The following ITSN1 variants were observed in gnomAD, a reference collection of about 807,000 sequenced individuals.
ITSN1 encodes the protein intersectin-1.
ITSN1 carries 58 observed loss-of-function variants against 239.8 expected under a neutral mutation model. The ratio of observed to expected loss-of-function variants is 0.24; its 90% CI spans 0.20 to 0.30. ITSN1 has a LOEUF of 0.30. Ranked by LOEUF, ITSN1 falls within the 10% of genes least tolerant of loss-of-function variation. ITSN1 has a pLI of 1.00. For synonymous variants in ITSN1, 780 were observed against 770.8 expected, an observed-to-expected ratio of 1.01 and a Z score of -0.20; for missense variants, 1,558 against 2,103.3, an observed-to-expected ratio of 0.74 and a Z score of 5.07.
At chr21:33,836,935 AT>A (rs2074635219) in intron 29 of ITSN1, 1 of 1,497,764 alleles carries the variant, frequency 6.7e-7, no homozygotes, top group African/African-American at 1.4e-5. Flanking sequence ...CCTAGCTTGA[AT>A]TTTGCTCATT....
chr21:33,816,019 T>TA (rs895767625), intron 22 of ITSN1, among the ~76,000 whole-genome samples: 40 of 151,496 alleles, frequency 2.6e-4, no homozygotes, highest in Admixed American at 2.0e-3. Flanking sequence ...TCATCTCTAC[T>TA]AAAAAAAATA....
intron 24 of ITSN1, among the ~76,000 whole-genome samples, chr21:33,822,975 T>C (rs1479560550): frequency 6.6e-6 from 1 of 152,250 alleles, no homozygotes; most frequent in Non-Finnish European, 1.5e-5. Flanking sequence ...GTATGTCTTA[T>C]TTAATTTATG....
intron 1 of ITSN1, among the ~76,000 whole-genome samples, chr21:33,654,888 A>G (rs1313649544): frequency 6.6e-6 from 1 of 152,174 alleles, no homozygotes; most frequent in East Asian, 1.9e-4. Flanking sequence ...GTCCAGCTGC[A>G]TTCTCGTTCT....
chr21:33,809,569 A>G (rs2072740865), intron 20 of ITSN1, among the ~76,000 whole-genome samples: 1 of 152,148 alleles, frequency 6.6e-6, no homozygotes, highest in African/African-American at 2.4e-5. Context: ...CTTTATTTTT[A>G]ATTAATTTTT....
chr21:33,674,168 A>G (rs1250786358), intron 1 of ITSN1, among the ~76,000 whole-genome samples: 3 of 152,170 alleles, frequency 2.0e-5, no homozygotes, highest in Non-Finnish European at 4.4e-5. Flanking sequence ...ACTCATTGGT[A>G]CCTTTAAGGC....
At chr21:33,878,042 G>GTGTGTGTT (rs1984286036) in intron 34 of ITSN1, among the ~76,000 whole-genome samples, 1 of 114,418 alleles carries the variant, frequency 8.7e-6, no homozygotes, top group Non-Finnish European at 1.9e-5. Flanking sequence ...GTGTGTGTGT[G>GTGTGTGTT]TGTGTTTGTT....
intron 1 of ITSN1, among the ~76,000 whole-genome samples, chr21:33,653,726 G>A (rs2146162783): frequency 6.6e-6 from 1 of 152,110 alleles, no homozygotes; most frequent in Non-Finnish European, 1.5e-5. Flanking sequence ...GTTTCACCGT[G>A]TTAGCCAAGA....
At chr21:33,699,993 C>T (rs1303500022) in intron 1 of ITSN1, among the ~76,000 whole-genome samples, 1 of 151,826 alleles carries the variant, frequency 6.6e-6, no homozygotes. Context: ...AATTCCTGGC[C>T]TCAAGAGATC....
At position 33,797,221 on chromosome 21, in the gene ITSN1, C is replaced by A. The variant is rs1310021886; in HGVS notation, c.1953-158C>A. On this transcript the variant is annotated intron_variant, in intron 17 of 39. Coordinates refer to ENST00000381318, the MANE Select transcript of ITSN1 (RefSeq NM_003024.3). The surrounding 1 kb of genome is among the most constrained non-coding windows in gnomAD (Gnocchi z 4.9). Reference sequence around the variant, plus strand: ...CTAAATCATGTGATTTCTTCTCATTCAGAACTGGAGCCCTGATTCAGTTGC... The same window carrying A: ...CTAAATCATGTGATTTCTTCTCATTAAGAACTGGAGCCCTGATTCAGTTGC... Among the ~76,000 whole-genome samples, 1 of 152,124 alleles carries A rather than the reference C, an allele frequency of 6.6e-6. No homozygotes were observed. The highest frequency in any genetic ancestry group is 6.5e-5 in the Admixed American group (1 of 15,272).
chr21:33,764,703 AAG>A (rs879541499), intron 9 of ITSN1, among the ~76,000 whole-genome samples: 2 of 152,240 alleles, frequency 1.3e-5, no homozygotes, highest in Admixed American at 1.3e-4. Flanking sequence ...CAGAATTAAG[AAG>A]GTTTCTTAAT....
At chr21:33,837,026 C>A (rs1234243615) in intron 29 of ITSN1, 1 of 1,613,242 alleles carries the variant, frequency 6.2e-7, no homozygotes. Flanking sequence ...GCTTGAAAGT[C>A]CTCAAAGAGA....
chr21:33,867,638 T>A (rs1981845508), intron 33 of ITSN1, among the ~76,000 whole-genome samples: 1 of 142,816 alleles, frequency 7.0e-6, no homozygotes. Context: ...CTATCTCTAT[T>A]AAAAAAAAAA....
chr21:33,744,428 G>A (rs562683662), intron 5 of ITSN1, among the ~76,000 whole-genome samples: 12 of 152,120 alleles, frequency 7.9e-5, no homozygotes, highest in East Asian at 1.9e-4. Context: ...CTCAGAAGGC[G>A]TCTCTCACCA....
chr21:33,886,886 C>T (rs77157157), intron 39 of ITSN1, among the ~76,000 whole-genome samples: 1,525 of 152,228 alleles, frequency 0.01, 26 homozygotes, highest in African/African-American at 0.035. Flanking sequence ...ATTTTTGTAC[C>T]ACTTATTAAG....
intron 4 of ITSN1, among the ~76,000 whole-genome samples, chr21:33,724,160 G>C (rs1332531524): frequency 1.3e-5 from 2 of 152,060 alleles, no homozygotes; most frequent in African/African-American, 4.8e-5. Flanking sequence ...CCAGATCTCT[G>C]TGCTTTTTTT....
In ITSN1 at chr21:33,883,609, C is replaced by A; in HGVS notation, c.4614C>A (p.Pro1538=). ...KLPTDPSGDE[P]IFHISHIDRV... is the part of the protein sequence containing the mutation. ...CCACCGACCCTTCTGGAGACGAGCC[C>A]ATCTTCCACATCTCCCACATTGACC... The change falls in exon 36 of 40, where the codon CCC becomes CCA. Residue 1538 remains proline (P), a synonymous_variant. Transcript: ENST00000381318. 1 of 1,613,916 alleles carries A rather than the reference C, an allele frequency of 6.2e-7. No homozygotes were observed. The highest frequency in any genetic ancestry group is 8.5e-7 in the Non-Finnish European group (1 of 1,179,856).
intron 20 of ITSN1, among the ~76,000 whole-genome samples, chr21:33,810,199 C>T (rs1344855591): frequency 2.0e-5 from 3 of 152,178 alleles, no homozygotes; most frequent in African/African-American, 7.2e-5. Context: ...TCGTTTTGGC[C>T]ATTTTGGATG....
At chr21:33,874,156 CAA>C (rs778588764) in intron 33 of ITSN1, among the ~76,000 whole-genome samples, 5 of 29,200 alleles carry the variant, frequency 1.7e-4, no homozygotes, top group Non-Finnish European at 3.0e-4. Context: ...AACTCCGTCT[CAA>C]AAAAAAAAAA....
At chr21:33,730,272 A>G (rs1285665536) in intron 4 of ITSN1, among the ~76,000 whole-genome samples, 3 of 150,436 alleles carry the variant, frequency 2.0e-5, no homozygotes, top group African/African-American at 7.3e-5. Context: ...GTTATCCTTC[A>G]TTTATTTTTG....
Sources: allele counts gnomAD v4.1 joint callset (sites outside exome capture counted in the v4.1 genomes callset), GRCh38; gene constraint gnomAD v4.1.1; non-coding constraint Gnocchi (gnomAD v3.1); transcripts MANE v1.5; gene names NCBI Gene and HGNC (gene_info 2026-07-23, HGNC 2026-07-21).